SHLD2: variants seen among roughly 807,000 people sequenced by gnomAD.
The protein encoded by SHLD2 is shieldin complex subunit 2.
Under a neutral mutation model 73.2 loss-of-function variants are expected in SHLD2, and 30 were observed. That is an observed-to-expected ratio of 0.41 (90% CI 0.31 to 0.56). The LOEUF (loss-of-function observed/expected upper bound fraction) is 0.56, where lower values mean the gene tolerates loss of function less well. SHLD2 is among the 20% of genes least tolerant of loss of function. The probability of loss-of-function intolerance (pLI) is 0.28; values close to 1 mark genes in which losing one functional copy is unlikely to be tolerated. For synonymous variants in SHLD2, 285 were observed against 370.1 expected, an observed-to-expected ratio of 0.77 and a Z score of 2.64; for missense variants, 745 against 1,055.9, an observed-to-expected ratio of 0.71 and a Z score of 4.08.
At chr10:87,169,165 G>A (rs55892577) in intron 4 of SHLD2, among the ~76,000 whole-genome samples, 1 of 151,998 alleles carries the variant, frequency 6.6e-6, no homozygotes, top group Non-Finnish European at 1.5e-5. Flanking sequence ...AGATGTTTTT[G>A]TTCCCCAAAA....
intron 2 of SHLD2, among the ~76,000 whole-genome samples, chr10:87,141,130 A>G (rs530927935): frequency 1.3e-5 from 2 of 151,928 alleles, no homozygotes; most frequent in Non-Finnish European, 2.9e-5. Flanking sequence ...AAAAAAATTT[A>G]AAAAGGGGGG....
At chr10:87,146,801 AATCTC>A (rs958006006) in intron 2 of SHLD2, among the ~76,000 whole-genome samples, 2 of 151,824 alleles carry the variant, frequency 1.3e-5, no homozygotes, top group African/African-American at 4.8e-5. Flanking sequence ...TCATGCCTCT[AATCTC>A]AGCACTTTGG....
chr10:87,148,922 G>A (rs1450441562), intron 2 of SHLD2, among the ~76,000 whole-genome samples: 2 of 136,584 alleles, frequency 1.5e-5, no homozygotes, highest in Non-Finnish European at 3.1e-5. Flanking sequence ...GTCTCACTCT[G>A]TCACCCAGGC....
chr10:87,112,988 A>G (rs1222437771), intron 2 of SHLD2, among the ~76,000 whole-genome samples: 1 of 152,200 alleles, frequency 6.6e-6, no homozygotes, highest in East Asian at 1.9e-4. Context: ...ATTGTAAAAG[A>G]GTGGGAACAA....
chr10:87,178,742 G>A (rs1848112552), intron 7 of SHLD2, among the ~76,000 whole-genome samples: 1 of 152,066 alleles, frequency 6.6e-6, no homozygotes, highest in Non-Finnish European at 1.5e-5. Flanking sequence ...TAATAATTTT[G>A]TAGTGATTTG....
Position 87,151,966 on chromosome 10 carries a change from T to C in SHLD2, c.612T>C (p.His204=). ...VQRECVPTEY[H]EIQNQCLGLF... is the part of the protein sequence containing the mutation. ...GAGAGTGTGTGCCAACAGAATATCA[T>C]GAAATACAAAACCAGTGTTTGGGAT... Residue 204 remains histidine, a synonymous_variant, in exon 3 of 10, where the codon CAT becomes CAC. Transcript: ENST00000298786. 1.2e-6 allele frequency: 2 copies of C among 1,611,872 alleles called. No homozygotes were observed. Among genetic ancestry groups the C allele is most frequent in the Non-Finnish European group, 1.7e-6 (2 of 1,179,794 alleles).
chr10:87,152,746 T>G lies in SHLD2; in HGVS notation c.1392T>G (p.Asn464Lys), dbSNP rs368977545. ...AAATAAACATAAAATTCGGACCAAA[T>G]TCTGGCTCTAAAGTGCCTTTAGCAA... The part of the protein sequence containing the change: ...VKEINIKFGP[N>K]SGSKVPLATV... Residue 464 changes from asparagine to lysine, a missense_variant, in exon 3 of 10, where the codon AAT becomes AAG. Transcript: ENST00000298786. The G allele has an allele frequency of 6.8e-6, 11 of 1,611,978 alleles. No homozygotes were observed. The highest frequency in any genetic ancestry group is 4.5e-5 in the East Asian group (2 of 44,862).
chr10:87,176,350 A>G (rs1589651406), intron 7 of SHLD2, among the ~76,000 whole-genome samples: 3 of 152,040 alleles, frequency 2.0e-5, no homozygotes, highest in South Asian at 2.1e-4. Flanking sequence ...GAGTCTCCCT[A>G]TGTTGCCCAG....
intron 2 of SHLD2, among the ~76,000 whole-genome samples, chr10:87,132,822 A>T (rs1844524649): frequency 6.6e-6 from 1 of 152,230 alleles, no homozygotes; most frequent in Non-Finnish European, 1.5e-5. Context: ...TTTCTGCATT[A>T]AGTGGGGGTA....
Position 87,176,067 on chromosome 10 carries a change from A to G in SHLD2, c.2142A>G (p.Leu714=). 1 of 1,548,390 alleles carries G rather than the reference A, an allele frequency of 6.5e-7. No individual in the cohort carries two copies. Among genetic ancestry groups the G allele is most frequent in the South Asian group, 1.2e-5 (1 of 83,966 alleles). The part of the protein sequence containing the change: ...SAPSFVKISD[L]ATHLEDKCSG... ...CCTCCTTTGTGAAGATATCAGACTT[A>G]GCAACCCACCTAGAGGATAAGTGTT... Residue 714 remains leucine, a synonymous_variant, in exon 7 of 10, where the codon TTA becomes TTG. Coordinates refer to ENST00000298786, the MANE Select transcript of SHLD2 (RefSeq NM_001330112.2).
At chr10:87,160,591 AGCACTCGAG>A (rs1361662519) in intron 4 of SHLD2, among the ~76,000 whole-genome samples, 3 of 152,152 alleles carry the variant, frequency 2.0e-5, no homozygotes, top group Non-Finnish European at 2.9e-5. Flanking sequence ...TTAATAGAAA[AGCACTCGAG>A]GCATTGTCAT....
chr10:87,148,868 A>C (rs1266929213), intron 2 of SHLD2, among the ~76,000 whole-genome samples: 1 of 151,822 alleles, frequency 6.6e-6, no homozygotes, highest in Non-Finnish European at 1.5e-5. Flanking sequence ...CATATATCTA[A>C]GTATTCCCAC....
intron 2 of SHLD2, among the ~76,000 whole-genome samples, chr10:87,147,072 G>GAAAA (rs76041937): frequency 4.2e-5 from 4 of 95,366 alleles, no homozygotes; most frequent in South Asian, 4.1e-4. Flanking sequence ...AAAAAAAAAA[G>GAAAA]AAAAAAAAAA....
chr10:87,166,249 C>T (rs1202458523), intron 4 of SHLD2, among the ~76,000 whole-genome samples: 1 of 151,698 alleles, frequency 6.6e-6, no homozygotes, highest in Non-Finnish European at 1.5e-5. Flanking sequence ...GGTTTACATA[C>T]CTTTTCCCTC....
At chr10:87,115,143 G>C (rs1309265119) in intron 2 of SHLD2, among the ~76,000 whole-genome samples, 1 of 152,046 alleles carries the variant, frequency 6.6e-6, no homozygotes, top group Non-Finnish European at 1.5e-5. Context: ...CTCCGCCTCC[G>C]GGGTCAAGTG....
At chr10:87,144,616 ATTTTTTTTTTTTTTTT>A (rs548218721) in intron 2 of SHLD2, among the ~76,000 whole-genome samples, 1 of 89,494 alleles carries the variant, frequency 1.1e-5, no homozygotes, top group Admixed American at 1.4e-4. Context: ...GCATTTACTA[ATTTTTTTTTTTTTTTT>A]TTTTTTTTTT....
chr10:87,128,270 ATAAATTATTT>A (rs1564587619), intron 2 of SHLD2, among the ~76,000 whole-genome samples: 2 of 152,248 alleles, frequency 1.3e-5, no homozygotes, highest in African/African-American at 2.4e-5. Context: ...AGGTTAGAAC[ATAAATTATTT>A]GCATGATTTG....
intron 2 of SHLD2, among the ~76,000 whole-genome samples, chr10:87,150,988 G>A (rs960383359): frequency 6.6e-6 from 1 of 151,874 alleles, no homozygotes; most frequent in Non-Finnish European, 1.5e-5. Context: ...ACCACGCCCA[G>A]CTAATTTTTT....
intron 2 of SHLD2, among the ~76,000 whole-genome samples, chr10:87,106,438 A>G (rs897930953): frequency 1.3e-5 from 2 of 152,224 alleles, no homozygotes; most frequent in Non-Finnish European, 2.9e-5. Context: ...AACATTCTTA[A>G]ATTTGAAACT....
Sources: gnomAD v4.1 joint callset for allele counts (sites outside exome capture counted in the v4.1 genomes callset) on GRCh38, gnomAD v4.1.1 for gene constraint, MANE v1.5 for transcripts, NCBI Gene and HGNC (gene_info 2026-07-23, HGNC 2026-07-21) for gene names.